Variants in OR10R2 observed in about 807,000 individuals in gnomAD.
The protein encoded by OR10R2 is olfactory receptor 10R2.
In OR10R2, 1 loss-of-function variant was observed where a neutral mutation model predicts 2.4. That is an observed-to-expected ratio of 0.41 (90% confidence interval 0.15 to 1.95). OR10R2 has a LOEUF of 1.95. OR10R2 is among the 30% of genes most tolerant of loss of function. The probability of loss-of-function intolerance (pLI) is 0.30; values close to 1 mark genes in which losing one functional copy is unlikely to be tolerated. For synonymous variants in OR10R2, 166 were observed against 144.8 expected (o/e 1.15, Z -1.05); for missense variants, 419 against 373.0 (o/e 1.12, Z -1.01).
rs189351794 is a variant in OR10R2 at position 158,478,837 on chromosome 1, G to A, written c.28-1101G>A. On this transcript the variant is annotated intron_variant, in intron 1 of 1. Coordinates refer to ENST00000641067, the Ensembl canonical transcript of OR10R2. ...ATCTGTTTGCTCATTTTTCTTGAATGTCTACATTATTGCTGTTCAAAGTGG... is the reference window on the plus strand; with the variant it reads ...ATCTGTTTGCTCATTTTTCTTGAATATCTACATTATTGCTGTTCAAAGTGG... Among the ~76,000 whole-genome samples the A allele has an allele frequency of 2.7e-3, 416 of 152,228 alleles. 2 individuals carry two copies. Among genetic ancestry groups the A allele is most frequent in the African/African-American group, 9.5e-3 (396 of 41,536 alleles).
exon 2 of OR10R2, chr1:158,480,259 GCCA>G: frequency 3.1e-6 from 5 of 1,613,964 alleles, no homozygotes; most frequent in Non-Finnish European, 4.2e-6. Flanking sequence ...CCTTGGTTTT[GCCA>G]TTACCAACTG....
Position 158,479,902 on chromosome 1 carries a change from T to C in OR10R2, c.28-36T>C, listed in dbSNP as rs759180759. The C allele has an allele frequency of 3.7e-6, 6 of 1,611,544 alleles. No individual in the cohort carries two copies. The African/African-American group carries it at 6.7e-5, about 18-fold the overall frequency. ...CATGCCCCAAATTCTTATATTCACA[T>C]ACCTGAATATGTTTTACTTCTTTCC... is the stretch of plus-strand genomic sequence containing the variant. On this transcript the variant is annotated intron_variant, in intron 1 of 1. Coordinates refer to ENST00000641067, the Ensembl canonical transcript of OR10R2.
exon 2 of OR10R2, chr1:158,480,166 A>T: frequency 1.2e-6 from 2 of 1,614,080 alleles, no homozygotes; most frequent in South Asian, 1.1e-5. Context: ...CACCTTTGTC[A>T]TTCTACCCAA....
At position 158,480,281 on chromosome 1, in the gene OR10R2, T is replaced by C. The variant is rs774306437; in HGVS notation, c.371T>C (p.Leu124Ser). 20 of 1,613,996 alleles carry C rather than the reference T, an allele frequency of 1.2e-5. No homozygotes were observed. In the South Asian group the frequency reaches 1.8e-4, roughly 14 times the overall value. Residue 124 changes from leucine to serine, a missense_variant, in exon 2 of 2, where the codon TTG becomes TCG. By Grantham distance (145) the Leu-to-Ser change is moderately radical. Coordinates refer to ENST00000641067, the Ensembl canonical transcript of OR10R2. Reference sequence around the variant, plus strand: ...TTTGCCATTACCAACTGCCTGCTATTGGGTGTGATGGGTTATGATCGCTAT... The same window carrying C: ...TTTGCCATTACCAACTGCCTGCTATCGGGTGTGATGGGTTATGATCGCTAT...
At chr1:158,475,122 A>G (rs528956483) in intron 1 of OR10R2, among the ~76,000 whole-genome samples, 13 of 152,280 alleles carry the variant, frequency 8.5e-5, no homozygotes, top group East Asian at 1.9e-4. Flanking sequence ...CAGTCACCCA[A>G]TGGAAGAACT....
chr1:158,476,156 T>C (rs1234783417), intron 1 of OR10R2, among the ~76,000 whole-genome samples: 1 of 152,152 alleles, frequency 6.6e-6, no homozygotes, highest in African/African-American at 2.4e-5. Flanking sequence ...AATTATCATA[T>C]GGAAGAGCTT....
intron 1 of OR10R2, among the ~76,000 whole-genome samples, chr1:158,478,110 A>T (rs183119783): frequency 6.6e-6 from 1 of 152,200 alleles, no homozygotes; most frequent in Admixed American, 6.5e-5. Flanking sequence ...CATCTGCAGA[A>T]GAGGGAAACT....
Position 158,480,052 on chromosome 1 carries a change from C to T in OR10R2, c.142C>T (p.Leu48Phe), listed in dbSNP as rs1401672563. 4 of 1,613,856 alleles carry T rather than the reference C, an allele frequency of 2.5e-6. No homozygotes were observed. Among genetic ancestry groups the T allele is most frequent in the Non-Finnish European group, 2.5e-6 (3 of 1,179,946 alleles). Residue 48 changes from leucine to phenylalanine, a missense_variant, in exon 2 of 2, where the codon CTT becomes TTT. Leu to Phe is a conservative substitution (Grantham distance 22). Coordinates refer to ENST00000641067, the Ensembl canonical transcript of OR10R2. Reference sequence around the variant, plus strand: ...TTTTCTTTTTCTGTATCTAGTCATTCTTAGTGGCAATGTCACCATTATCAG... The same window carrying T: ...TTTTCTTTTTCTGTATCTAGTCATTTTTAGTGGCAATGTCACCATTATCAG...
At chr1:158,479,395 A>G (rs1183001260) in intron 1 of OR10R2, among the ~76,000 whole-genome samples, 1 of 152,122 alleles carries the variant, frequency 6.6e-6, no homozygotes. Context: ...TTATAATTTA[A>G]CCCAGCAATG....
chr1:158,479,810 G>C, intron 1 of OR10R2, 128 bp from the exon 2 acceptor site: 1 of 914,946 alleles, frequency 1.1e-6, no homozygotes, highest in South Asian at 1.6e-5. Context: ...GAGGTAGTTA[G>C]GAACCGGAAA....
chr1:158,477,605 A>G (rs942035260), intron 1 of OR10R2, among the ~76,000 whole-genome samples: 1 of 152,196 alleles, frequency 6.6e-6, no homozygotes, highest in Non-Finnish European at 1.5e-5. Flanking sequence ...AAAGAGGAGA[A>G]AGGTCTCTAC....
intron 1 of OR10R2, among the ~76,000 whole-genome samples, chr1:158,472,840 T>G (rs2101670816): frequency 6.6e-6 from 1 of 152,138 alleles, no homozygotes; most frequent in East Asian, 1.9e-4. Context: ...TCAAAAAGGC[T>G]ATCCCTGGCA....
At position 158,473,974 on chromosome 1, in the gene OR10R2, C is replaced by A. The variant is rs1270627867; in HGVS notation, c.27+1622C>A. On this transcript the variant is annotated intron_variant, in intron 1 of 1. Coordinates refer to ENST00000641067, the Ensembl canonical transcript of OR10R2. ...CTCTTTCTTTCTTTCTTTTTCTTTT[C>A]TTTCTTTTTTCTTTTCTTCTCTTTC... 2.2e-5 allele frequency among the ~76,000 whole-genome samples: 3 copies of A among 136,200 alleles called. No individual in the cohort carries two copies. The East Asian group carries it at 6.8e-4, about 31-fold the overall frequency. The allele number at this position is 136,200 out of a possible 152,430, so 89.4% of individuals were successfully genotyped here.
chr1:158,477,870 C>A (rs1190256873), intron 1 of OR10R2, among the ~76,000 whole-genome samples: 1 of 151,992 alleles, frequency 6.6e-6, no homozygotes, highest in African/African-American at 2.4e-5. Flanking sequence ...AAGAACAAAG[C>A]CAGAGAGAAG....
intron 1 of OR10R2, among the ~76,000 whole-genome samples, chr1:158,473,979 T>C (rs955406074): frequency 6.6e-6 from 1 of 150,932 alleles, no homozygotes; most frequent in African/African-American, 2.4e-5. Flanking sequence ...CTTTTCTTTC[T>C]TTTTTCTTTT....
exon 2 of OR10R2, chr1:158,480,280 T>C (rs1245717018): frequency 1.2e-6 from 2 of 1,614,138 alleles, no homozygotes; most frequent in Admixed American, 3.3e-5. Context: ...CTGCCTGCTA[T>C]TGGGTGTGAT....
chr1:158,474,528 G>A (rs1185209969), intron 1 of OR10R2: 2 of 152,174 alleles, frequency 1.3e-5, no homozygotes, highest in South Asian at 4.1e-4. Context: ...TCTGGCTCTA[G>A]AGAGGAATCA....
chr1:158,480,683 T>C, exon 2 of OR10R2: 1 of 1,613,788 alleles, frequency 6.2e-7, no homozygotes, highest in Non-Finnish European at 8.5e-7. Flanking sequence ...AGTGTTGTTA[T>C]TGTTCATTAT....
At chr1:158,480,734 A>G (rs747195124) in exon 2 of OR10R2, 5 of 1,613,096 alleles carry the variant, frequency 3.1e-6, no homozygotes, top group Admixed American at 1.7e-5. Flanking sequence ...ACAGCAAACT[A>G]TGTGTCCAAC....
Sources: allele counts gnomAD v4.1 joint callset (sites outside exome capture counted in the v4.1 genomes callset), GRCh38; gene constraint gnomAD v4.1.1; transcripts MANE v1.5; gene names NCBI Gene and HGNC (gene_info 2026-07-23, HGNC 2026-07-21).